Variants in CCAR1 observed in about 807,000 individuals in gnomAD.
The protein encoded by CCAR1 is cell division cycle and apoptosis regulator protein 1.
In CCAR1, 78 loss-of-function variants were observed where a neutral mutation model predicts 163.8. That is an observed-to-expected ratio of 0.48 (90% CI 0.40 to 0.57). The LOEUF (loss-of-function observed/expected upper bound fraction) is 0.57, where lower values mean the gene tolerates loss of function less well. CCAR1 is among the 20% of genes least tolerant of loss of function. The probability of loss-of-function intolerance (pLI) is 0.00; values close to 1 mark genes in which losing one functional copy is unlikely to be tolerated. For synonymous variants in CCAR1, 443 were observed against 460.7 expected (o/e 0.96, Z 0.49); for missense variants, 1,019 against 1,365.2 (o/e 0.75, Z 4.00).
chr10:68,738,240 C>A (rs1354355357), intron 4 of CCAR1, among the ~76,000 whole-genome samples: 5 of 151,990 alleles, frequency 3.3e-5, no homozygotes, highest in African/African-American at 1.2e-4. Context: ...CATGGAGAAA[C>A]CCCATCTCTA....
intron 20 of CCAR1, 32 bp downstream of exon 20, chr10:68,786,250 T>C (rs2056794182): frequency 3.6e-6 from 5 of 1,375,644 alleles, no homozygotes; most frequent in Non-Finnish European, 5.1e-6. Context: ...CTTTATAATA[T>C]GGTGATATCT....
chr10:68,735,222 C>T (rs764633848), intron 2 of CCAR1, among the ~76,000 whole-genome samples: 1 of 152,074 alleles, frequency 6.6e-6, no homozygotes, highest in Non-Finnish European at 1.5e-5. Flanking sequence ...GTGGCTTGCG[C>T]CTGTAGTCCC....
intron 18 of CCAR1, among the ~76,000 whole-genome samples, chr10:68,772,154 C>T (rs998585836): frequency 1.3e-5 from 2 of 152,052 alleles, no homozygotes; most frequent in Non-Finnish European, 2.9e-5. Context: ...GCTGGTATTA[C>T]AGATGTGAGC....
chr10:68,722,390 G>A (rs2055871666), intron 1 of CCAR1, 65 bp from the exon 2 acceptor site: 1 of 831,448 alleles, frequency 1.2e-6, no homozygotes, highest in African/African-American at 1.7e-5. Flanking sequence ...TCTTTCTATT[G>A]TAATATCCTT....
intron 15 of CCAR1, among the ~76,000 whole-genome samples, chr10:68,760,654 G>A (rs893719187): frequency 3.3e-5 from 5 of 152,098 alleles, no homozygotes. Flanking sequence ...TGATCACGAG[G>A]TCTGGAGTTC....
At chr10:68,777,154 T>C (rs2056676567) in intron 19 of CCAR1, among the ~76,000 whole-genome samples, 1 of 152,204 alleles carries the variant, frequency 6.6e-6, no homozygotes, top group Admixed American at 6.5e-5. Context: ...TCATAACTTA[T>C]CCAGAATCAG....
intron 4 of CCAR1, among the ~76,000 whole-genome samples, chr10:68,738,963 A>G (rs543951367): frequency 1.2e-4 from 18 of 152,192 alleles, no homozygotes; most frequent in Non-Finnish European, 2.6e-4. Flanking sequence ...AGAAAGTCAC[A>G]CTTTGTAGTT....
At position 68,753,874 on chromosome 10, in the gene CCAR1, C is replaced by T. The variant is rs764330303; in HGVS notation, c.1141C>T (p.Leu381=). Residue 381 remains leucine (L), a synonymous_variant, in exon 11 of 25, where the codon CTA becomes TTA. Coordinates refer to ENST00000265872, the MANE Select transcript of CCAR1 (RefSeq NM_018237.4). ...CAGTCCCAGTTGTGACATGATGGAA[C>T]TAAGGCGCCGTTATCAAAATTTGTA... is the stretch of plus-strand genomic sequence containing the variant. ...LDCPSCDMME[L]RRRYQNLYIP... The T allele has an allele frequency of 1.9e-6, 3 of 1,613,730 alleles. No individual in the cohort carries two copies. In the Admixed American group the frequency reaches 5.0e-5, roughly 27 times the overall value.
chr10:68,738,516 G>A (rs969393402), intron 4 of CCAR1, among the ~76,000 whole-genome samples: 3 of 152,234 alleles, frequency 2.0e-5, no homozygotes, highest in Admixed American at 6.5e-5. Context: ...TTTGGGCCAG[G>A]TCTGCTGAAC....
intron 19 of CCAR1, 71 bp from the exon 20 acceptor site, chr10:68,786,065 A>C (rs2056791778): frequency 5.1e-6 from 5 of 988,680 alleles, no homozygotes; most frequent in Non-Finnish European, 7.9e-6. Context: ...GATAACAGTC[A>C]TGTGCCACTG....
intron 19 of CCAR1, among the ~76,000 whole-genome samples, chr10:68,782,356 A>G (rs2056746779): frequency 6.6e-6 from 1 of 151,952 alleles, no homozygotes. Flanking sequence ...GGCTGCAGTG[A>G]GCTATGATTA....
rs1564538951 is a variant in CCAR1 at position 68,753,094 on chromosome 10, T to TAGTTGTCTTTAAAAAAGACAATG, written c.1119-758_1119-757insAGTTGTCTTTAAAAAAGACAATG. Among the ~76,000 whole-genome samples the TAGTTGTCTTTAAAAAAGACAATG allele has an allele frequency of 2.6e-5, 4 of 151,682 alleles. No individual in the cohort carries two copies. The East Asian group carries it at 7.8e-4, about 29-fold the overall frequency. On this transcript the variant is annotated intron_variant, in intron 10 of 24. Transcript: ENST00000265872. ...TACTTCATCTTTCATACTTCTGCTT[T>TAGTTGTCTTTAAAAAAGACAATG]TAGTTGTCTTTTCATCTTACATTAT...
intron 2 of CCAR1, among the ~76,000 whole-genome samples, chr10:68,724,106 C>T (rs770970176): frequency 2.0e-5 from 3 of 149,550 alleles, no homozygotes; most frequent in African/African-American, 4.9e-5. Flanking sequence ...TACAGTGAGC[C>T]GAGATCACAC....
intron 17 of CCAR1, among the ~76,000 whole-genome samples, chr10:68,769,513 G>A (rs1392516820): frequency 6.6e-6 from 1 of 152,080 alleles, no homozygotes; most frequent in Non-Finnish European, 1.5e-5. Flanking sequence ...CCAGCTACTC[G>A]GGAGGCTGAG....
chr10:68,732,426 C>T (rs573325490), intron 2 of CCAR1, among the ~76,000 whole-genome samples: 66 of 152,122 alleles, frequency 4.3e-4, no homozygotes, highest in African/African-American at 1.4e-3. Context: ...CTCAGCTCAC[C>T]GCAACCTCTG....
At chr10:68,734,473 A>G (rs2056081534) in intron 2 of CCAR1, among the ~76,000 whole-genome samples, 1 of 151,676 alleles carries the variant, frequency 6.6e-6, no homozygotes. Context: ...GGCAACATTA[A>G]TGAGATTCCA....
chr10:68,771,197 T>G lies in CCAR1; in HGVS notation c.2299-9T>G, dbSNP rs1419753383. The G allele has an allele frequency of 6.3e-7, 1 of 1,575,644 alleles. No homozygotes were observed. The highest frequency in any genetic ancestry group is 2.0e-5 in the Admixed American group (1 of 49,214). On this transcript the variant is annotated splice_polypyrimidine_tract_variant and intron_variant, in intron 17 of 24. Coordinates refer to ENST00000265872, the MANE Select transcript of CCAR1 (RefSeq NM_018237.4). ...ATTTGGCTAGGTTCATGTTGATATC[T>G]TTTTATAGGTTTCATTGTTTGCGGA... is the stretch of plus-strand genomic sequence containing the variant.
chr10:68,790,864 CAA>C (rs758116859), intron 24 of CCAR1, among the ~76,000 whole-genome samples: 22 of 111,222 alleles, frequency 2.0e-4, no homozygotes, highest in Non-Finnish European at 1.9e-4. Flanking sequence ...GACTCTGTCT[CAA>C]AAAAAAAAAA....
intron 2 of CCAR1, among the ~76,000 whole-genome samples, chr10:68,731,598 T>G (rs999952553): frequency 6.9e-6 from 1 of 144,688 alleles, no homozygotes; most frequent in Admixed American, 7.0e-5. Flanking sequence ...TCTGTTTTTT[T>G]TTTTTTTTTT....
Sources: gnomAD v4.1 joint callset for allele counts (sites outside exome capture counted in the v4.1 genomes callset) on GRCh38, gnomAD v4.1.1 for gene constraint, MANE v1.5 for transcripts, NCBI Gene and HGNC (gene_info 2026-07-23, HGNC 2026-07-21) for gene names.